The following RARB variants were observed in gnomAD, a reference collection of about 807,000 sequenced individuals.
The protein encoded by RARB is retinoic acid receptor beta, also known as HBV-activated protein.
In RARB, 17 loss-of-function variants were observed where a neutral mutation model predicts 51.9. The ratio of observed to expected loss-of-function variants is 0.33; its 90% CI spans 0.22 to 0.49. The LOEUF is 0.49. Ranked by LOEUF, RARB falls within the 20% of genes least tolerant of loss-of-function variation. RARB has a pLI of 0.99. For synonymous variants in RARB, 215 were observed against 195.4 expected, an observed-to-expected ratio of 1.10 and a Z score of -0.84; for missense variants, 369 against 550.8, an observed-to-expected ratio of 0.67 and a Z score of 3.30.
chr3:25,252,730 T>G (rs1391085839), intron 5 of RARB, among the ~76,000 whole-genome samples: 1 of 152,234 alleles, frequency 6.6e-6, no homozygotes, highest in Non-Finnish European at 1.5e-5. Flanking sequence ...TATTTATTAC[T>G]TCTAATAAAT....
At position 25,556,479 on chromosome 3, in the gene RARB, A is replaced by G. The variant is rs75618196; in HGVS notation, c.449-13279A>G. On this transcript the variant is annotated intron_variant, in intron 3 of 7. Transcript: ENST00000330688. ...GAAAAATTTTCTAGTTATAGTCCTC[A>G]TTACATTCTTGTTACCAACACTAAT... Among the ~76,000 whole-genome samples the G allele has an allele frequency of 5.5e-3, 834 of 152,340 alleles. 6 individuals carry two copies. The highest frequency in any genetic ancestry group is 0.019 in the African/African-American group (779 of 41,584).
chr3:25,374,091 G>A (rs1157638605), intron 5 of RARB, among the ~76,000 whole-genome samples: 2 of 152,112 alleles, frequency 1.3e-5, no homozygotes, highest in African/African-American at 2.4e-5. Flanking sequence ...ACCTCCAGAG[G>A]CCCAAGAGTC....
At chr3:25,279,795 C>T (rs1703478021) in intron 5 of RARB, among the ~76,000 whole-genome samples, 1 of 151,988 alleles carries the variant, frequency 6.6e-6, no homozygotes, top group South Asian at 2.1e-4. Flanking sequence ...GTTGTAATAT[C>T]ACTGTGGGTA....
rs193038200 is a variant in RARB at position 25,053,423 on chromosome 3, T to G, written c.-379-6702T>G. ...TCCTTAATCCAAAAGCAGTTTCCTT[T>G]GCTTAGCAGGTCCATAGTAGATGTT... On this transcript the variant is annotated intron_variant, in intron 2 of 11. Transcript: ENST00000383772. Among the ~76,000 whole-genome samples, 520 of 152,298 alleles carry G rather than the reference T, an allele frequency of 3.4e-3. 2 individuals are homozygous for G. The highest frequency in any genetic ancestry group is 0.012 in the African/African-American group (492 of 41,562).
At chr3:25,353,190 A>G (rs897825738) in intron 5 of RARB, among the ~76,000 whole-genome samples, 2 of 152,170 alleles carry the variant, frequency 1.3e-5, no homozygotes. Flanking sequence ...TAGTTGTCTC[A>G]TCACCTCTTT....
At chr3:25,517,354 A>G (rs762110502) in intron 3 of RARB, among the ~76,000 whole-genome samples, 29 of 152,258 alleles carry the variant, frequency 1.9e-4, no homozygotes, top group Non-Finnish European at 3.4e-4. Context: ...ACATTCCACC[A>G]AAGAAAATAT....
intron 5 of RARB, among the ~76,000 whole-genome samples, chr3:25,402,036 A>G (rs1201262597): frequency 6.6e-6 from 1 of 152,196 alleles, no homozygotes; most frequent in Non-Finnish European, 1.5e-5. Context: ...TCGGCTTCCC[A>G]AAGTGCTGGC....
chr3:24,970,695 GA>G (rs1206454731), intron 2 of RARB, among the ~76,000 whole-genome samples: 30 of 149,440 alleles, frequency 2.0e-4, no homozygotes, highest in African/African-American at 5.6e-4. Flanking sequence ...CTTTTAATTG[GA>G]AAAAAAAATA....
chr3:25,095,475 G>A (rs1336375063), intron 3 of RARB, among the ~76,000 whole-genome samples: 1 of 152,184 alleles, frequency 6.6e-6, no homozygotes, highest in East Asian at 1.9e-4. Flanking sequence ...CTTTCCAAGT[G>A]ATTCCGATGC....
chr3:25,091,052 A>G lies in RARB; in HGVS notation c.-328+30876A>G, dbSNP rs901342601. 4.6e-5 allele frequency among the ~76,000 whole-genome samples: 7 copies of G among 152,282 alleles called. No individual in the cohort carries two copies. The East Asian group carries it at 5.8e-4, about 13-fold the overall frequency. ...ATTTAATTGGGGAATGGGTTTTTCT[A>G]TCACTGTCCCTGGCAGTAGCAGCCA... is the stretch of plus-strand genomic sequence containing the variant. On this transcript the variant is annotated intron_variant, in intron 3 of 11. Transcript: ENST00000383772.
intron 5 of RARB, among the ~76,000 whole-genome samples, chr3:25,198,043 C>A (rs1701290663): frequency 6.6e-6 from 1 of 151,632 alleles, no homozygotes; most frequent in African/African-American, 2.4e-5. Flanking sequence ...ACTACAGTAA[C>A]CAAAACAGCA....
intron 5 of RARB, among the ~76,000 whole-genome samples, chr3:25,285,999 T>C (rs1436452847): frequency 6.6e-6 from 1 of 152,040 alleles, no homozygotes; most frequent in East Asian, 1.9e-4. Flanking sequence ...CCTATTCTTA[T>C]TTTCCTTAAA....
At chr3:24,884,242 T>C (rs1703229713) in intron 2 of RARB, among the ~76,000 whole-genome samples, 1 of 152,198 alleles carries the variant, frequency 6.6e-6, no homozygotes, top group African/African-American at 2.4e-5. Context: ...TGGGGTCTAC[T>C]GAAATGAAAA....
chr3:25,134,747 G>C (rs937794939), intron 4 of RARB, among the ~76,000 whole-genome samples: 2 of 151,984 alleles, frequency 1.3e-5, no homozygotes, highest in South Asian at 2.1e-4. Context: ...TTCAAACAGG[G>C]TTTATGCTCT....
chr3:25,147,510 T>G (rs545268857), intron 4 of RARB, among the ~76,000 whole-genome samples: 2 of 152,318 alleles, frequency 1.3e-5, no homozygotes, highest in East Asian at 3.9e-4. Context: ...TGTGTTGAAG[T>G]GTTATATCTC....
intron 2 of RARB, among the ~76,000 whole-genome samples, chr3:24,986,112 A>C (rs1696789420): frequency 6.6e-6 from 1 of 152,206 alleles, no homozygotes; most frequent in Non-Finnish European, 1.5e-5. Context: ...CTAAACTATA[A>C]ATTGTTTGAT....
chr3:25,170,101 G>GCAGGGGTCAGCAAACCACGGCC (rs1378943303), intron 4 of RARB, among the ~76,000 whole-genome samples: 1 of 152,052 alleles, frequency 6.6e-6, no homozygotes, highest in Admixed American at 6.5e-5. Flanking sequence ...TCAGTCTCAA[G>GCAGGGGTCAGCAAACCACGGCC]CAGGGGTCAG....
chr3:25,528,381 A>AT (rs1698747454), intron 3 of RARB, among the ~76,000 whole-genome samples: 1 of 152,124 alleles, frequency 6.6e-6, no homozygotes, highest in Non-Finnish European at 1.5e-5. Flanking sequence ...AAACCCTGTT[A>AT]TAACATTTTA....
In RARB at chr3:24,926,062, C is replaced by A. The variant is rs143456565; in HGVS notation, c.-380+67310C>A. Among the ~76,000 whole-genome samples the A allele has an allele frequency of 5.9e-5, 9 of 152,170 alleles. No individual in the cohort carries two copies. The East Asian group carries it at 1.6e-3, about 26-fold the overall frequency. ...GAATTTATTGTTGATAACTCACAAG[C>A]CTTTGACATTTATAGAAAATATGGT... On this transcript the variant is annotated intron_variant, in intron 2 of 11. Coordinates refer to the RARB transcript ENST00000383772.
Sources: gnomAD v4.1 joint callset for allele counts (sites outside exome capture counted in the v4.1 genomes callset) on GRCh38, gnomAD v4.1.1 for gene constraint, MANE v1.5 for transcripts, NCBI Gene and HGNC (gene_info 2026-07-23, HGNC 2026-07-21) for gene names.